CLIP2: variants seen among roughly 807,000 people sequenced by gnomAD.
The protein encoded by CLIP2 is CAP-Gly domain containing linker protein 2.
A neutral mutation model predicts 111.7 loss-of-function variants in CLIP2; 41 were observed. The observed-to-expected ratio is 0.37, with a 90% CI of 0.29 to 0.48. The LOEUF (loss-of-function observed/expected upper bound fraction) is 0.48. Among genes scored for constraint, CLIP2 ranks in the 20% least tolerant of loss-of-function variants. The pLI is 0.99. For synonymous variants in CLIP2, 660 were observed against 644.2 expected (o/e 1.02, Z -0.37); for missense variants, 1,160 against 1,422.1 (o/e 0.82, Z 2.96).
chr7:74,357,538 A>C, intron 6 of CLIP2, 61 bp downstream of exon 6: 1 of 1,501,000 alleles, frequency 6.7e-7, no homozygotes, highest in South Asian at 1.2e-5. Context: ...AGTCTCACCC[A>C]CTCAGAGCGG....
intron 1 of CLIP2, among the ~76,000 whole-genome samples, chr7:74,314,712 C>G (rs546206064): frequency 1.3e-5 from 2 of 152,352 alleles, no homozygotes; most frequent in East Asian, 3.9e-4. Flanking sequence ...AGGCCGAGTC[C>G]TGCCTGCAGC....
At position 74,376,916 on chromosome 7, in the gene CLIP2, C is replaced by T; in HGVS notation, c.2421+94C>T. ...CTGTTCTGCAGCCCAGGAAGCATTT[C>T]CCTTGTCCCCGAGAGCATGCCTGGG... is the stretch of plus-strand genomic sequence containing the variant. On this transcript the variant is annotated intron_variant, in intron 10 of 16. Transcript: ENST00000223398. This position sits in a 1 kb window ranked among gnomAD's most constrained non-coding sequence, Gnocchi z 7.1. The T allele has an allele frequency of 8.0e-7, 1 of 1,247,290 alleles. No individual in the cohort carries two copies. Among genetic ancestry groups the T allele is most frequent in the Non-Finnish European group, 1.1e-6 (1 of 925,128 alleles). 77.3% of individuals were successfully genotyped at this position (1,247,290 alleles called of 1,614,324 possible).
chr7:74,306,871 G>A (rs1323797449), intron 1 of CLIP2, among the ~76,000 whole-genome samples: 1 of 152,200 alleles, frequency 6.6e-6, no homozygotes, highest in Non-Finnish European at 1.5e-5. Flanking sequence ...CTGGGCCAAG[G>A]GCTCACAGCC....
At chr7:74,382,471 A>ATTTTT (rs35499422) in intron 11 of CLIP2, among the ~76,000 whole-genome samples, 11 of 129,182 alleles carry the variant, frequency 8.5e-5, no homozygotes, top group Non-Finnish European at 1.5e-4. Context: ...TGCCCTGCTA[A>ATTTTT]TTTTTTTTTT....
In CLIP2 at chr7:74,307,565, A is replaced by C. The variant is rs1474133095; in HGVS notation, c.-67-9915A>C. Among the ~76,000 whole-genome samples the C allele has an allele frequency of 6.6e-5, 10 of 152,248 alleles. 1 individual carries two copies. In the South Asian group the frequency reaches 2.1e-3, roughly 32 times the overall value. ...GAGTGCAATGGCACCATCTCGGCTC[A>C]CCACAACCTCCGCCTCCTGGGTTCA... On this transcript the variant is annotated intron_variant, in intron 1 of 16. Coordinates refer to ENST00000223398, the MANE Select transcript of CLIP2 (RefSeq NM_003388.5).
chr7:74,400,488 C>T lies in CLIP2; in HGVS notation c.2999C>T (p.Ala1000Val), dbSNP rs782322866. 1 of 1,613,198 alleles carries T rather than the reference C, an allele frequency of 6.2e-7. No individual in the cohort carries two copies. Among genetic ancestry groups the T allele is most frequent in the Middle Eastern group, 1.7e-4 (1 of 6,058 alleles). The part of the protein sequence containing the change: ...LMSTEDALRD[A>V]LDQAQQVEKL... Reference sequence around the variant, plus strand: ...AGCACGGAGGACGCCCTGCGGGATGCGCTGGACCAGGCTCAGCAGGTGGAG... The same window carrying T: ...AGCACGGAGGACGCCCTGCGGGATGTGCTGGACCAGGCTCAGCAGGTGGAG... Residue 1000 changes from alanine to valine, a missense_variant, in exon 15 of 17, where the codon GCG (alanine) becomes GTG (valine). This residue lies in a region of CLIP2 where 676 missense variants were observed against 777.8 expected (regional missense o/e 0.87). Transcript: ENST00000223398.
At chr7:74,311,920 A>G (rs1554728572) in intron 1 of CLIP2, among the ~76,000 whole-genome samples, 1 of 121,232 alleles carries the variant, frequency 8.2e-6, no homozygotes, top group African/African-American at 2.6e-5. Context: ...TCAAGAATAA[A>G]AAAAAAAAAA....
At chr7:74,336,235 T>C (rs1292767347) in intron 2 of CLIP2, among the ~76,000 whole-genome samples, 2 of 151,816 alleles carry the variant, frequency 1.3e-5, no homozygotes, top group Non-Finnish European at 2.9e-5. Flanking sequence ...GCCTGGCTAA[T>C]TTTTGTATTT....
Position 74,289,466 on chromosome 7 carries a change from CGCTCA to C in CLIP2, c.-331_-327del, listed in dbSNP as rs1244827791. 6 of 150,866 alleles carry C rather than the reference CGCTCA, an allele frequency of 4.0e-5. No individual in the cohort carries two copies. Among genetic ancestry groups the C allele is most frequent in the Non-Finnish European group, 7.4e-5 (5 of 67,578 alleles). 9.3% of individuals were successfully genotyped at this position (150,866 alleles called of 1,614,324 possible). A position where few individuals can be genotyped will look rare whatever the true frequency, so the allele number is the denominator to read the frequency against. ...CCGCTGGCTCCGCTGGCTCCGCGGG[CGCTCA>C]GCTCGGCTCGGCCGCGGGGCGCGCA... On this transcript the variant is annotated 5_prime_UTR_variant, in exon 1 of 17. Transcript: ENST00000223398.
chr7:74,310,781 G>A (rs1187161051), intron 1 of CLIP2, among the ~76,000 whole-genome samples: 1 of 150,508 alleles, frequency 6.6e-6, no homozygotes, highest in Non-Finnish European at 1.5e-5. Flanking sequence ...GCACAATCTT[G>A]GCTCACTGCA....
intron 2 of CLIP2, among the ~76,000 whole-genome samples, chr7:74,332,459 T>C (rs1789316927): frequency 8.1e-6 from 1 of 122,914 alleles, no homozygotes; most frequent in South Asian, 2.8e-4. Context: ...CCTAGAATTC[T>C]CTTTTTTTTT....
In CLIP2 at chr7:74,401,506, C is replaced by G; in HGVS notation, c.3068C>G (p.Thr1023Ser). The G allele has an allele frequency of 1.2e-6, 2 of 1,614,072 alleles. No homozygotes were observed. The highest frequency in any genetic ancestry group is 1.7e-6 in the Non-Finnish European group (2 of 1,179,984). ...CAGTGTCTCCCCTAACTCTTCCAGA[C>G]CATCGGCAATTCCGGTTCTGCAAAC... ...AMRSCPDKAQ[T>S]IGNSGSANGI... The change falls in exon 16 of 17, where the codon ACC (threonine) becomes AGC (serine). Residue 1023 changes from threonine (T) to serine (S), a missense_variant and splice_region_variant. Coordinates refer to ENST00000223398, the MANE Select transcript of CLIP2 (RefSeq NM_003388.5).
chr7:74,375,503 A>C (rs891126715), intron 9 of CLIP2, among the ~76,000 whole-genome samples: 38 of 137,986 alleles, frequency 2.8e-4, no homozygotes, highest in African/African-American at 9.8e-4. Flanking sequence ...CAGTGAGGTG[A>C]GATCACGCCA....
At chr7:74,335,315 G>C (rs1321338662) in intron 2 of CLIP2, among the ~76,000 whole-genome samples, 2 of 148,584 alleles carry the variant, frequency 1.3e-5, no homozygotes, top group Admixed American at 6.8e-5. Flanking sequence ...GGAGCATGCA[G>C]TTGGCACTTC....
chr7:74,391,387 A>G (rs1226994278), intron 13 of CLIP2, among the ~76,000 whole-genome samples: 1 of 152,218 alleles, frequency 6.6e-6, no homozygotes, highest in African/African-American at 2.4e-5. Flanking sequence ...TTTGAGCCAT[A>G]GATCCCTTGA....
chr7:74,351,751 G>A (rs1295628143), intron 3 of CLIP2, among the ~76,000 whole-genome samples: 4 of 152,150 alleles, frequency 2.6e-5, no homozygotes, highest in Non-Finnish European at 4.4e-5. Context: ...CTGGAGAACC[G>A]CTTGAACCTG....
chr7:74,381,484 G>A, intron 11 of CLIP2: 1 of 399,812 alleles, frequency 2.5e-6, no homozygotes, highest in South Asian at 1.9e-5. Flanking sequence ...ACCGTGCCTA[G>A]CTGGTTTAAA....
At chr7:74,364,850 C>G in intron 8 of CLIP2, 1 of 455,012 alleles carries the variant, frequency 2.2e-6, no homozygotes, top group South Asian at 1.6e-5. Flanking sequence ...AGCAAGATCC[C>G]ATCTCTACAA....
chr7:74,322,355 C>T (rs1788982983), intron 2 of CLIP2, among the ~76,000 whole-genome samples: 3 of 151,400 alleles, frequency 2.0e-5, no homozygotes, highest in African/African-American at 7.3e-5. Flanking sequence ...CCTGTAATCC[C>T]AGCCCTTTGG....
Sources: allele counts gnomAD v4.1 joint callset (sites outside exome capture counted in the v4.1 genomes callset), GRCh38; gene constraint gnomAD v4.1.1; regional missense constraint gnomAD v4.1.1; non-coding constraint Gnocchi (gnomAD v3.1); transcripts MANE v1.5; gene names NCBI Gene and HGNC (gene_info 2026-07-23, HGNC 2026-07-21).